SLC8A1: variants seen among roughly 807,000 people sequenced by gnomAD.
The protein encoded by SLC8A1 is solute carrier family 8 member A1.
In SLC8A1, 18 loss-of-function variants were observed where a neutral mutation model predicts 68.3. The observed-to-expected ratio is 0.26, with a 90% CI of 0.18 to 0.39. The LOEUF is 0.39. Among genes scored for constraint, SLC8A1 ranks in the 10% least tolerant of loss-of-function variants. The probability of loss-of-function intolerance (pLI) is 1.00; values close to 1 mark genes in which losing one functional copy is unlikely to be tolerated. For missense variants in SLC8A1, 985 were observed against 1,156.7 expected, an observed-to-expected ratio of 0.85 and a Z score of 2.15; for synonymous variants, 475 against 415.5, an observed-to-expected ratio of 1.14 and a Z score of -1.74.
intron 2 of SLC8A1, among the ~76,000 whole-genome samples, chr2:40,180,111 A>T (rs906269822): frequency 3.3e-5 from 5 of 152,074 alleles, no homozygotes; most frequent in South Asian, 2.1e-4. Context: ...TAAAGCCACA[A>T]TCATCTTTTA....
At chr2:40,230,597 G>A (rs1449177747) in intron 2 of SLC8A1, among the ~76,000 whole-genome samples, 1 of 152,054 alleles carries the variant, frequency 6.6e-6, no homozygotes, top group Non-Finnish European at 1.5e-5. Context: ...ATGGTTCAAA[G>A]AATAAAAATG....
chr2:40,434,053 G>C (rs1457134025), intron 1 of SLC8A1, among the ~76,000 whole-genome samples: 2 of 152,248 alleles, frequency 1.3e-5, no homozygotes, highest in East Asian at 3.9e-4. Flanking sequence ...TGCACTGTCA[G>C]GGCAATCTCC....
intron 1 of SLC8A1, among the ~76,000 whole-genome samples, chr2:40,489,579 A>G (rs1705189601): frequency 6.6e-6 from 1 of 152,100 alleles, no homozygotes; most frequent in South Asian, 2.1e-4. Flanking sequence ...GTGACATACT[A>G]TTAGAAGGGG....
At chr2:40,300,106 T>A (rs962419983) in intron 2 of SLC8A1, among the ~76,000 whole-genome samples, 11 of 152,300 alleles carry the variant, frequency 7.2e-5, no homozygotes, top group Non-Finnish European at 1.0e-4. Context: ...CTTCTAAGTC[T>A]GCCAACCCAG....
chr2:40,493,347 G>A (rs1270385045), intron 1 of SLC8A1, among the ~76,000 whole-genome samples: 61 of 131,944 alleles, frequency 4.6e-4, no homozygotes, highest in Admixed American at 2.9e-3. Context: ...GACTGTTGTG[G>A]GGTGGGGGGG....
chr2:40,337,763 C>G (rs1666444125), intron 2 of SLC8A1, among the ~76,000 whole-genome samples: 4 of 152,068 alleles, frequency 2.6e-5, no homozygotes, highest in African/African-American at 7.2e-5. Context: ...ATATACTATC[C>G]TGATGATTCT....
intron 1 of SLC8A1, among the ~76,000 whole-genome samples, chr2:40,491,200 G>A (rs138316803): frequency 0.014 from 2,164 of 152,126 alleles, 32 homozygotes; most frequent in Non-Finnish European, 0.018. Context: ...GGTCCTTCAC[G>A]TCCCTTGTAA....
intron 2 of SLC8A1, among the ~76,000 whole-genome samples, chr2:40,406,212 T>C (rs1690269921): frequency 6.6e-6 from 1 of 152,200 alleles, no homozygotes; most frequent in Admixed American, 6.5e-5. Context: ...TGCCAAAGAT[T>C]ATGCAAAATA....
At chr2:40,282,935 C>T (rs554496596) in intron 2 of SLC8A1, among the ~76,000 whole-genome samples, 3 of 152,266 alleles carry the variant, frequency 2.0e-5, no homozygotes, top group South Asian at 2.1e-4. Flanking sequence ...ATAGTGATGG[C>T]CTGTGCTAAT....
In SLC8A1 at chr2:40,502,180, C is replaced by A. The variant is rs1349482836; in HGVS notation, c.-25+10169G>T. 2.0e-5 allele frequency among the ~76,000 whole-genome samples: 3 copies of A among 152,152 alleles called. No individual in the cohort carries two copies. The East Asian group carries it at 5.8e-4, about 30-fold the overall frequency. On this transcript the variant is annotated intron_variant, in intron 1 of 7. Transcript: ENST00000402441. ...AATACTATTGAACTTATAGTCACTA[C>A]AAAACTTTCTTTAGAAAAATTTGTA...
chr2:40,108,565 A>G (rs1230869209), exon 8 of SLC8A1: 1 of 152,190 alleles, frequency 6.6e-6, no homozygotes, highest in African/African-American at 2.4e-5. Flanking sequence ...ATCTTTCAAG[A>G]TTTCTTCCTT....
chr2:40,265,505 G>A (rs779189108), intron 2 of SLC8A1, among the ~76,000 whole-genome samples: 4 of 152,164 alleles, frequency 2.6e-5, no homozygotes, highest in Non-Finnish European at 5.9e-5. Context: ...AAAGTTGGTA[G>A]AGGTGGGCAG....
chr2:40,298,063 G>A (rs931925627), intron 2 of SLC8A1, among the ~76,000 whole-genome samples: 1 of 151,962 alleles, frequency 6.6e-6, no homozygotes, highest in Non-Finnish European at 1.5e-5. Context: ...TGTGATTTTA[G>A]TAGAGACAGA....
chr2:40,183,192 C>T (rs114881045), intron 2 of SLC8A1, among the ~76,000 whole-genome samples: 101 of 152,274 alleles, frequency 6.6e-4, no homozygotes, highest in African/African-American at 2.3e-3. Context: ...AGTGAGTCTC[C>T]TGTGACTGGC....
At chr2:40,457,376 C>T (rs935526489) in intron 1 of SLC8A1, among the ~76,000 whole-genome samples, 1 of 152,168 alleles carries the variant, frequency 6.6e-6, no homozygotes, top group African/African-American at 2.4e-5. Context: ...TTCCAAGGCA[C>T]CGTTTATGAT....
chr2:40,399,539 C>T (rs1224753076), intron 2 of SLC8A1, among the ~76,000 whole-genome samples: 1 of 151,946 alleles, frequency 6.6e-6, no homozygotes, highest in Non-Finnish European at 1.5e-5. Flanking sequence ...AGGTCTAGAT[C>T]CAAAAAATAA....
At chr2:40,332,533 C>G (rs1415483387) in intron 2 of SLC8A1, among the ~76,000 whole-genome samples, 1 of 152,072 alleles carries the variant, frequency 6.6e-6, no homozygotes, top group Non-Finnish European at 1.5e-5. Context: ...TTATTCTGAC[C>G]TTGTGCTCTA....
chr2:40,098,568 G>A (rs1295161835), exon 8 of SLC8A1: 1 of 151,958 alleles, frequency 6.6e-6, no homozygotes, highest in Non-Finnish European at 1.5e-5. Flanking sequence ...GAGAAGATCT[G>A]TCATTAATGT....
At chr2:40,415,924 T>G (rs1178629278) in intron 2 of SLC8A1, among the ~76,000 whole-genome samples, 1 of 147,206 alleles carries the variant, frequency 6.8e-6, no homozygotes, top group Non-Finnish European at 1.5e-5. Context: ...TAGCTGGGCG[T>G]GGTGGCAGGT....
Sources: allele counts gnomAD v4.1 joint callset (sites outside exome capture counted in the v4.1 genomes callset), GRCh38; gene constraint gnomAD v4.1.1; transcripts MANE v1.5; gene names NCBI Gene and HGNC (gene_info 2026-07-23, HGNC 2026-07-21).